Variants in KLF8 observed in about 807,000 individuals in gnomAD.
KLF8 encodes the protein Krueppel-like factor 8.
In KLF8, 10 loss-of-function variants were observed where a neutral mutation model predicts 18.2. That is an observed-to-expected ratio of 0.55 (90% CI 0.34 to 0.93). The LOEUF (loss-of-function observed/expected upper bound fraction) is 0.93, where lower values mean the gene tolerates loss of function less well. KLF8 is among the 40% of genes least tolerant of loss of function. The pLI is 0.02. For missense variants in KLF8, 264 were observed against 277.9 expected, an observed-to-expected ratio of 0.95 and a Z score of 0.36; for synonymous variants, 109 against 97.3, an observed-to-expected ratio of 1.12 and a Z score of -0.71.
At chrX:56,065,242 G>A in the KLF8 span, among the ~76,000 whole-genome samples, 1 of 111,296 alleles carries the variant, frequency 9.0e-6, no homozygotes, top group Middle Eastern at 4.7e-3. Flanking sequence ...GTCACTTTAT[G>A]GTGTCCCATA....
At chrX:56,030,016 TTGAC>T in the KLF8 span, among the ~76,000 whole-genome samples, 8 of 112,560 alleles carry the variant, frequency 7.1e-5, no homozygotes, top group African/African-American at 2.6e-4. Flanking sequence ...CTTCTGCACT[TTGAC>T]TAACTAAGGC....
At chrX:56,015,807 G>C in the KLF8 span, among the ~76,000 whole-genome samples, 1 of 111,443 alleles carries the variant, frequency 9.0e-6, no homozygotes, top group East Asian at 2.8e-4. Flanking sequence ...TAACATAAGA[G>C]ACCCCACAGG....
chrX:56,094,500 T>C, the KLF8 span, among the ~76,000 whole-genome samples: 1 of 111,329 alleles, frequency 9.0e-6, no homozygotes, highest in Admixed American at 9.5e-5. Flanking sequence ...ATAAATAAAG[T>C]AACCATTATA....
At chrX:56,118,083 C>G in the KLF8 span, among the ~76,000 whole-genome samples, 1 of 111,332 alleles carries the variant, frequency 9.0e-6, no homozygotes, top group Non-Finnish European at 1.9e-5. Flanking sequence ...AATTTTCTAC[C>G]TCCTAATGCC....
the KLF8 span, among the ~76,000 whole-genome samples, chrX:56,157,444 A>C: frequency 2.7e-5 from 3 of 111,246 alleles, no homozygotes; most frequent in Non-Finnish European, 5.7e-5. Flanking sequence ...TTCTAGTTCT[A>C]GATCCCTGAG....
At chrX:56,076,637 G>C in the KLF8 span, among the ~76,000 whole-genome samples, 3 of 111,384 alleles carry the variant, frequency 2.7e-5, no homozygotes, top group Non-Finnish European at 5.7e-5. Flanking sequence ...ATGACTTATA[G>C]TCCTTCGGGT....
chrX:56,201,431 A>G, the KLF8 span, among the ~76,000 whole-genome samples: 1 of 111,349 alleles, frequency 9.0e-6, no homozygotes, highest in African/African-American at 3.3e-5. Flanking sequence ...ACACAAAAAC[A>G]TGGTAGTTGT....
upstream of KLF8, among the ~76,000 whole-genome samples, chrX:56,231,701 T>G (rs773024614): frequency 9.0e-6 from 1 of 111,535 alleles, no homozygotes; most frequent in African/African-American, 3.3e-5. Flanking sequence ...CCTGGAAACA[T>G]GGCTCCTATC....
At chrX:56,068,420 ACT>A in the KLF8 span, among the ~76,000 whole-genome samples, 1 of 108,130 alleles carries the variant, frequency 9.2e-6, no homozygotes, top group Non-Finnish European at 1.9e-5. Context: ...ACCCCACCCG[ACT>A]CTGCCACTGG....
the KLF8 span, among the ~76,000 whole-genome samples, chrX:56,188,042 G>C: frequency 9.0e-6 from 1 of 110,608 alleles, no homozygotes; most frequent in Non-Finnish European, 1.9e-5. Context: ...GGCAGGCGAA[G>C]GAAATAAAGG....
At chrX:56,069,823 G>A in the KLF8 span, among the ~76,000 whole-genome samples, 1 of 112,198 alleles carries the variant, frequency 8.9e-6, no homozygotes, top group Non-Finnish European at 1.9e-5. Context: ...GTCCTGCCCA[G>A]CAGTCCTGCT....
At chrX:56,054,820 C>T in the KLF8 span, among the ~76,000 whole-genome samples, 2 of 111,763 alleles carry the variant, frequency 1.8e-5, no homozygotes, top group Admixed American at 1.9e-4. Flanking sequence ...TTCATTGAAC[C>T]CTTTACCATC....
At chrX:56,051,376 C>G in the KLF8 span, among the ~76,000 whole-genome samples, 1 of 110,642 alleles carries the variant, frequency 9.0e-6, no homozygotes, top group Admixed American at 9.6e-5. Flanking sequence ...ATGGTCTTTA[C>G]ATTTTGGCAT....
At chrX:56,120,164 C>G in the KLF8 span, among the ~76,000 whole-genome samples, 1 of 110,826 alleles carries the variant, frequency 9.0e-6, no homozygotes, top group East Asian at 2.8e-4. Flanking sequence ...CTTACCTAAG[C>G]TCTTCCGATG....
intron 5 of KLF8, among the ~76,000 whole-genome samples, chrX:56,282,827 C>A (rs2067219174): frequency 1.8e-5 from 2 of 112,120 alleles, no homozygotes; most frequent in Admixed American, 1.9e-4. Context: ...CCTAATCCTA[C>A]AACCCAGACT....
the KLF8 span, among the ~76,000 whole-genome samples, chrX:56,124,497 A>G: frequency 1.8e-5 from 2 of 112,135 alleles, no homozygotes; most frequent in Non-Finnish European, 3.8e-5. Flanking sequence ...TCGTTTATCA[A>G]TTTCTGATGC....
At chrX:56,109,459 G>T in the KLF8 span, among the ~76,000 whole-genome samples, 1 of 109,589 alleles carries the variant, frequency 9.1e-6, no homozygotes, top group Non-Finnish European at 1.9e-5. Context: ...AGAAAAATAT[G>T]TATTCTAATG....
At position 56,287,877 on chromosome X, in the gene KLF8, T is replaced by C. The variant is rs1157766199; in HGVS notation, c.*3383T>C. 1 of 111,909 alleles carries C rather than the reference T, an allele frequency of 8.9e-6. No homozygotes were observed. Among genetic ancestry groups the C allele is most frequent in the East Asian group, 2.8e-4 (1 of 3,582 alleles). The allele number at this position is 111,909 out of a possible 1,213,427, so 9.2% of individuals were successfully genotyped here. A position where few individuals can be genotyped will look rare whatever the true frequency, so the allele number is the denominator to read the frequency against. ...ACAATTAATAAAACACATTGATATGTTAATATTATTAACTGAAGTCCATAC... is the reference window on the plus strand; with the variant it reads ...ACAATTAATAAAACACATTGATATGCTAATATTATTAACTGAAGTCCATAC... On this transcript the variant is annotated 3_prime_UTR_variant, in exon 6 of 6. Transcript: ENST00000468660.
chrX:56,142,233 A>G, the KLF8 span, among the ~76,000 whole-genome samples: 1 of 111,873 alleles, frequency 8.9e-6, no homozygotes, highest in Non-Finnish European at 1.9e-5. Flanking sequence ...CAAGTTCACC[A>G]ATAACCTCCA....
Sources: allele counts gnomAD v4.1 joint callset (sites outside exome capture counted in the v4.1 genomes callset), GRCh38; gene constraint gnomAD v4.1.1; transcripts MANE v1.5; gene names NCBI Gene and HGNC (gene_info 2026-07-23, HGNC 2026-07-21).